Variants in KHDRBS2 observed in about 807,000 individuals in gnomAD.
KHDRBS2 encodes KH domain-containing, RNA-binding, signal transduction-associated protein 2.
In KHDRBS2, 26 loss-of-function variants were observed where a neutral mutation model predicts 44.3. The ratio of observed to expected loss-of-function variants is 0.59; its 90% CI spans 0.43 to 0.81. The LOEUF is 0.81. KHDRBS2 is among the 40% of genes least tolerant of loss of function. The pLI is 0.00. For missense variants in KHDRBS2, 476 were observed against 433.1 expected (o/e 1.10, Z -0.88); for synonymous variants, 194 against 151.1 (o/e 1.28, Z -2.08).
chr6:61,842,709 C>T (rs546465434), intron 6 of KHDRBS2, among the ~76,000 whole-genome samples: 42 of 152,226 alleles, frequency 2.8e-4, no homozygotes, highest in African/African-American at 9.4e-4. Flanking sequence ...TAAGCAATTC[C>T]ACTCCTAGGC....
chr6:61,980,723 A>G (rs1356006142), intron 3 of KHDRBS2, among the ~76,000 whole-genome samples: 3 of 152,022 alleles, frequency 2.0e-5, no homozygotes, highest in Non-Finnish European at 4.4e-5. Flanking sequence ...CACCTCAGCT[A>G]AACTTCTTAA....
chr6:62,118,034 C>T (rs1348958400), intron 2 of KHDRBS2, among the ~76,000 whole-genome samples: 1 of 152,126 alleles, frequency 6.6e-6, no homozygotes, highest in Non-Finnish European at 1.5e-5. Context: ...CCTTGGCCTC[C>T]CGAAGTGTTG....
At chr6:61,623,661 T>G in the KHDRBS2 span, among the ~76,000 whole-genome samples, 1 of 152,080 alleles carries the variant, frequency 6.6e-6, no homozygotes, top group Non-Finnish European at 1.5e-5. Flanking sequence ...AGGGCAGGAG[T>G]ATGAAACATA....
intron 4 of KHDRBS2, among the ~76,000 whole-genome samples, chr6:61,922,105 T>G (rs1460666325): frequency 6.6e-6 from 1 of 152,064 alleles, no homozygotes; most frequent in Non-Finnish European, 1.5e-5. Flanking sequence ...TATTGAAATA[T>G]TTATAATTTC....
chr6:62,277,117 T>C (rs1302250208), intron 1 of KHDRBS2, among the ~76,000 whole-genome samples: 1 of 152,156 alleles, frequency 6.6e-6, no homozygotes, highest in East Asian at 1.9e-4. Context: ...ACAGAAGTTA[T>C]GACTTTCTCT....
intron 3 of KHDRBS2, among the ~76,000 whole-genome samples, chr6:62,017,210 T>C (rs1781375275): frequency 6.6e-6 from 1 of 152,126 alleles, no homozygotes; most frequent in South Asian, 2.1e-4. Context: ...TCACATGACA[T>C]GGTGTTTTCA....
At chr6:61,768,523 T>G (rs961908176) in intron 6 of KHDRBS2, among the ~76,000 whole-genome samples, 3 of 152,136 alleles carry the variant, frequency 2.0e-5, no homozygotes, top group African/African-American at 7.2e-5. Context: ...TTCTAGATCT[T>G]GTATGTATGC....
intron 2 of KHDRBS2, among the ~76,000 whole-genome samples, chr6:62,111,353 C>G (rs771505147): frequency 6.6e-6 from 1 of 152,088 alleles, no homozygotes; most frequent in African/African-American, 2.4e-5. Flanking sequence ...ATGAACTGCA[C>G]AGAATTCATT....
intron 6 of KHDRBS2, among the ~76,000 whole-genome samples, chr6:61,881,281 T>C (rs996235248): frequency 1.3e-5 from 2 of 151,770 alleles, no homozygotes; most frequent in African/African-American, 4.8e-5. Flanking sequence ...AGTCAGCAAA[T>C]CTATGATTGG....
At chr6:62,240,515 T>G (rs1834423395) in intron 1 of KHDRBS2, among the ~76,000 whole-genome samples, 1 of 151,264 alleles carries the variant, frequency 6.6e-6, no homozygotes, top group African/African-American at 2.4e-5. Flanking sequence ...AGGTGTACAC[T>G]AATTTCATAC....
chr6:61,915,077 G>A (rs571656524), intron 4 of KHDRBS2, among the ~76,000 whole-genome samples: 1 of 152,020 alleles, frequency 6.6e-6, no homozygotes, highest in Non-Finnish European at 1.5e-5. Context: ...CAGTAGAAGG[G>A]TGTGTAGATG....
the KHDRBS2 span, among the ~76,000 whole-genome samples, chr6:61,627,259 A>T: frequency 3.3e-4 from 8 of 24,462 alleles, no homozygotes; most frequent in Admixed American, 7.9e-4. Flanking sequence ...TCTCAAAAAA[A>T]AAAAAAAAAA....
chr6:61,634,757 T>A, the KHDRBS2 span, among the ~76,000 whole-genome samples: 1 of 152,214 alleles, frequency 6.6e-6, no homozygotes, highest in African/African-American at 2.4e-5. Flanking sequence ...TTCAATAGGA[T>A]AATTTCCATT....
In KHDRBS2 at chr6:62,210,725, G is replaced by T. The variant is rs1828903515; in HGVS notation, c.92-33413C>A. On this transcript the variant is annotated intron_variant, in intron 1 of 8. Transcript: ENST00000281156. ...TCACAGAACACATTATTTTAACAGA[G>T]AAACCTGAATATGAATAGTTAAATT... Among the ~76,000 whole-genome samples, 4 of 151,912 alleles carry T rather than the reference G, an allele frequency of 2.6e-5. No homozygotes were observed. In the South Asian group the frequency reaches 8.3e-4, roughly 32 times the overall value.
At chr6:61,915,174 G>A (rs1355591815) in intron 4 of KHDRBS2, among the ~76,000 whole-genome samples, 1 of 151,986 alleles carries the variant, frequency 6.6e-6, no homozygotes, top group Non-Finnish European at 1.5e-5. Flanking sequence ...CCTTTGGAAG[G>A]ATCACTCTTA....
chr6:62,217,647 C>T (rs1830242880), intron 1 of KHDRBS2, among the ~76,000 whole-genome samples: 1 of 151,764 alleles, frequency 6.6e-6, no homozygotes. Context: ...GAAAAATGAT[C>T]AACTGATGTC....
At chr6:62,098,183 T>C (rs193173004) in intron 2 of KHDRBS2, among the ~76,000 whole-genome samples, 2 of 152,086 alleles carry the variant, frequency 1.3e-5, no homozygotes, top group Admixed American at 1.3e-4. Flanking sequence ...GTCTATAGTA[T>C]AGGAGTATTA....
chr6:62,223,340 C>T (rs1222772538), intron 1 of KHDRBS2, among the ~76,000 whole-genome samples: 1 of 152,164 alleles, frequency 6.6e-6, no homozygotes, highest in African/African-American at 2.4e-5. Flanking sequence ...GGAAGCAGGG[C>T]ACTAAGTACC....
chr6:61,975,046 C>A (rs1772273741), intron 4 of KHDRBS2, among the ~76,000 whole-genome samples: 1 of 152,010 alleles, frequency 6.6e-6, no homozygotes, highest in Non-Finnish European at 1.5e-5. Flanking sequence ...AATAATAATT[C>A]TTTTGTCTTC....
Sources: allele counts gnomAD v4.1 joint callset (sites outside exome capture counted in the v4.1 genomes callset), GRCh38; gene constraint gnomAD v4.1.1; transcripts MANE v1.5; gene names NCBI Gene and HGNC (gene_info 2026-07-23, HGNC 2026-07-21).